LRP1B: variants seen among roughly 807,000 people sequenced by gnomAD.
The protein encoded by LRP1B is low-density lipoprotein receptor-related protein 1B.
A neutral mutation model predicts 556.6 loss-of-function variants in LRP1B; 217 were observed. The ratio of observed to expected loss-of-function variants is 0.39; its 90% CI spans 0.35 to 0.44. The LOEUF is 0.44. LRP1B is among the 20% of genes least tolerant of loss of function. The probability of loss-of-function intolerance (pLI) is 1.00; values close to 1 mark genes in which losing one functional copy is unlikely to be tolerated. For missense variants in LRP1B, 5,053 were observed against 5,620.8 expected (o/e 0.90, Z 3.23); for synonymous variants, 2,047 against 1,865.8 (o/e 1.10, Z -2.50).
chr2:141,874,363 A>C (rs79310585), intron 1 of LRP1B, among the ~76,000 whole-genome samples: 7,408 of 148,038 alleles, frequency 0.05, 246 homozygotes, highest in South Asian at 0.15. Context: ...AGTGCTTTCA[A>C]AATATTATTT....
At chr2:140,291,938 T>C (rs1432108055) in intron 84 of LRP1B, among the ~76,000 whole-genome samples, 4 of 152,126 alleles carry the variant, frequency 2.6e-5, no homozygotes, top group Non-Finnish European at 2.9e-5. Context: ...AGTGTAAAAG[T>C]GTTCCTATTT....
At chr2:140,576,356 C>T (rs892678079) in intron 43 of LRP1B, among the ~76,000 whole-genome samples, 3 of 152,056 alleles carry the variant, frequency 2.0e-5, no homozygotes, top group Admixed American at 2.0e-4. Context: ...CTTTGTAAGA[C>T]GTAAGTCAGA....
chr2:141,059,706 T>C (rs1525582), intron 8 of LRP1B, among the ~76,000 whole-genome samples: 76,609 of 151,632 alleles, frequency 0.51, 20,086 homozygotes, highest in Non-Finnish European at 0.58. Context: ...AATTATGATG[T>C]TTATTGCTAT....
intron 29 of LRP1B, among the ~76,000 whole-genome samples, chr2:140,847,986 T>G (rs1024102467): frequency 6.6e-6 from 1 of 152,146 alleles, no homozygotes; most frequent in Admixed American, 6.5e-5. Context: ...TACCAGTTCA[T>G]AATTAAAGAC....
intron 7 of LRP1B, among the ~76,000 whole-genome samples, chr2:141,176,267 T>G (rs530401023): frequency 1.1e-4 from 17 of 152,130 alleles, no homozygotes; most frequent in Admixed American, 1.0e-3. Flanking sequence ...GGGGCAGTGG[T>G]GCAATGAGGT....
At chr2:141,391,698 T>G (rs916656548) in intron 3 of LRP1B, among the ~76,000 whole-genome samples, 15 of 151,878 alleles carry the variant, frequency 9.9e-5, no homozygotes, top group African/African-American at 3.6e-4. Context: ...AAAGAGAAAC[T>G]AGATGAAAGG....
chr2:140,749,679 C>A (rs1688504002), intron 35 of LRP1B, among the ~76,000 whole-genome samples: 1 of 152,126 alleles, frequency 6.6e-6, no homozygotes, highest in Non-Finnish European at 1.5e-5. Flanking sequence ...GATAACAATG[C>A]CTTCTTCTGG....
chr2:141,801,245 C>T (rs1237323738), intron 2 of LRP1B, among the ~76,000 whole-genome samples: 1 of 151,972 alleles, frequency 6.6e-6, no homozygotes, highest in Non-Finnish European at 1.5e-5. Context: ...AATAATGGTA[C>T]TTAGGTCAAG....
Position 141,010,533 on chromosome 2 carries a change from T to A in LRP1B, c.2380+3023A>T, listed in dbSNP as rs1366416675. ...TAATTTGACAAGTCTCTTTTTTTTT[T>A]AGACAGAGTTTTGCTCTGTAACTCA... is the stretch of plus-strand genomic sequence containing the variant. On this transcript the variant is annotated intron_variant, in intron 14 of 90. Coordinates refer to ENST00000389484, the MANE Select transcript of LRP1B (RefSeq NM_018557.3). Among the ~76,000 whole-genome samples, 5 of 151,942 alleles carry A rather than the reference T, an allele frequency of 3.3e-5. No individual in the cohort carries two copies. In the East Asian group the frequency reaches 9.7e-4, roughly 29 times the overall value.
intron 20 of LRP1B, among the ~76,000 whole-genome samples, chr2:140,946,871 A>G (rs959351036): frequency 6.6e-6 from 1 of 152,202 alleles, no homozygotes; most frequent in Non-Finnish European, 1.5e-5. Flanking sequence ...TGTCATTTAC[A>G]GCGACATGAA....
At chr2:141,247,819 C>G (rs990658846) in intron 4 of LRP1B, among the ~76,000 whole-genome samples, 4 of 152,088 alleles carry the variant, frequency 2.6e-5, no homozygotes, top group African/African-American at 7.2e-5. Flanking sequence ...TTAAGCACAC[C>G]TATTGAAAAA....
chr2:140,678,490 T>C (rs1399482388), intron 41 of LRP1B, among the ~76,000 whole-genome samples: 3 of 152,218 alleles, frequency 2.0e-5, no homozygotes, highest in African/African-American at 7.2e-5. Flanking sequence ...CAGAACATAT[T>C]AGCATTAAAG....
At chr2:141,034,624 C>T (rs1698476167) in intron 11 of LRP1B, among the ~76,000 whole-genome samples, 1 of 151,894 alleles carries the variant, frequency 6.6e-6, no homozygotes. Flanking sequence ...CATCACTGGC[C>T]ATCAGAGAAA....
intron 77 of LRP1B, among the ~76,000 whole-genome samples, chr2:140,342,986 G>A (rs1681473079): frequency 1.3e-5 from 2 of 149,670 alleles, no homozygotes; most frequent in African/African-American, 5.0e-5. Context: ...CAGAAACAAA[G>A]CAAATTCATT....
intron 1 of LRP1B, among the ~76,000 whole-genome samples, chr2:142,056,889 C>A (rs915912966): frequency 2.7e-5 from 4 of 147,998 alleles, no homozygotes; most frequent in Non-Finnish European, 6.0e-5. Context: ...TATTTAATAT[C>A]CTTTATTGCA....
chr2:141,163,137 T>C (rs1203202465), intron 7 of LRP1B, among the ~76,000 whole-genome samples: 2 of 152,102 alleles, frequency 1.3e-5, no homozygotes, highest in East Asian at 3.9e-4. Flanking sequence ...TTTGCTCCTC[T>C]TCATCCCTCA....
intron 1 of LRP1B, among the ~76,000 whole-genome samples, chr2:142,004,639 A>C (rs1322246150): frequency 6.6e-6 from 1 of 152,104 alleles, no homozygotes; most frequent in African/African-American, 2.4e-5. Context: ...CGGGGTCAGG[A>C]GTTCAAGACC....
chr2:142,038,944 G>T (rs181401277), intron 1 of LRP1B, among the ~76,000 whole-genome samples: 1 of 151,504 alleles, frequency 6.6e-6, no homozygotes. Context: ...CCTTGCTCAT[G>T]TTTTTCTTGC....
chr2:140,764,139 T>C (rs1250708544), intron 35 of LRP1B, among the ~76,000 whole-genome samples: 2 of 152,164 alleles, frequency 1.3e-5, no homozygotes, highest in Non-Finnish European at 2.9e-5. Context: ...TTGTAAATAG[T>C]TTCTTTTTAT....
Sources: allele counts gnomAD v4.1 joint callset (sites outside exome capture counted in the v4.1 genomes callset), GRCh38; gene constraint gnomAD v4.1.1; transcripts MANE v1.5; gene names NCBI Gene and HGNC (gene_info 2026-07-23, HGNC 2026-07-21).